P2RY12: variants seen among roughly 807,000 people sequenced by gnomAD.
P2RY12 encodes purinergic receptor P2Y12.
A neutral mutation model predicts 4.5 loss-of-function variants in P2RY12; 3 were observed. That is an observed-to-expected ratio of 0.67 (90% CI 0.31 to 1.74). The LOEUF is 1.74. Ranked by LOEUF, P2RY12 falls within the 40% of genes most tolerant of loss-of-function variation. P2RY12 has a pLI of 0.09. For missense variants in P2RY12, 356 were observed against 407.8 expected (o/e 0.87, Z 1.09); for synonymous variants, 148 against 154.1 (o/e 0.96, Z 0.29).
intron 1 of P2RY12, among the ~76,000 whole-genome samples, chr3:151,377,465 G>A (rs554288867): frequency 6.6e-6 from 1 of 152,228 alleles, no homozygotes; most frequent in South Asian, 2.1e-4. Context: ...CATTATATGG[G>A]AAACGCTTTT....
At chr3:151,376,256 C>A (rs1262063204) in intron 1 of P2RY12, 1 of 1,330,866 alleles carries the variant, frequency 7.5e-7, no homozygotes, top group Non-Finnish European at 9.8e-7. Flanking sequence ...TTGATAAATT[C>A]TTCGTAATAA....
At chr3:151,350,103 C>T in intron 1 of P2RY12, 3 of 1,613,456 alleles carry the variant, frequency 1.9e-6, no homozygotes, top group Non-Finnish European at 2.5e-6. Flanking sequence ...CAATCCTTCT[C>T]TATGGAGTCG....
At position 151,360,787 on chromosome 3, in the gene P2RY12, G is replaced by A. The variant is rs536789488; in HGVS notation, c.-179-20027C>T. The stretch of plus-strand genomic sequence containing the variant: ...ATTAAAATAGACAGGGACAATACAC[G>A]ATAGTCTATTACACAATGTAAATGT... On this transcript the variant is annotated intron_variant, in intron 1 of 2. Transcript: ENST00000302632. Among the ~76,000 whole-genome samples the A allele has an allele frequency of 3.6e-4, 55 of 152,162 alleles. No individual in the cohort carries two copies. In the South Asian group the frequency reaches 5.0e-3, roughly 14 times the overall value.
At chr3:151,375,725 A>C (rs560575712) in intron 1 of P2RY12, among the ~76,000 whole-genome samples, 4 of 152,204 alleles carry the variant, frequency 2.6e-5, no homozygotes, top group Non-Finnish European at 5.9e-5. Flanking sequence ...ACTGACACAA[A>C]ATAGTGCCTA....
intron 1 of P2RY12, among the ~76,000 whole-genome samples, chr3:151,349,274 C>G (rs1369096457): frequency 6.6e-6 from 1 of 152,132 alleles, no homozygotes; most frequent in Non-Finnish European, 1.5e-5. Context: ...TGCTTGGATT[C>G]ACTGTGCCTA....
In P2RY12 at chr3:151,359,015, T is replaced by A. The variant is rs189473145; in HGVS notation, c.-179-18255A>T. ...TGCTTGGTGCTGAGGTTTCAGGTTA[T>A]GATTGAAACCATCAGGAAGTGAGCA... On this transcript the variant is annotated intron_variant, in intron 1 of 2. Coordinates refer to ENST00000302632, the MANE Select transcript of P2RY12 (RefSeq NM_022788.5). Among the ~76,000 whole-genome samples, 9 of 152,306 alleles carry A rather than the reference T, an allele frequency of 5.9e-5. No homozygotes were observed. In the East Asian group the frequency reaches 1.7e-3, roughly 29 times the overall value.
intron 1 of P2RY12, among the ~76,000 whole-genome samples, chr3:151,344,041 A>G (rs115786501): frequency 2.6e-3 from 391 of 152,274 alleles, no homozygotes; most frequent in African/African-American, 8.8e-3. Context: ...AATTTAGGTT[A>G]GATACCAACA....
At chr3:151,371,892 G>A (rs1427976665) in intron 1 of P2RY12, among the ~76,000 whole-genome samples, 2 of 152,088 alleles carry the variant, frequency 1.3e-5, no homozygotes, top group Admixed American at 6.6e-5. Context: ...CCAGAACTTT[G>A]TTATGAAGAA....
At chr3:151,340,414 TTAAC>T (rs1425483845) in intron 2 of P2RY12, among the ~76,000 whole-genome samples, 178 bp downstream of exon 2, 1 of 152,186 alleles carries the variant, frequency 6.6e-6, no homozygotes, top group Non-Finnish European at 1.5e-5. Flanking sequence ...AAGAGGCTAA[TTAAC>T]AATTGTCTCT....
At chr3:151,384,036 G>A (rs1363788392) in intron 1 of P2RY12, 12 of 1,575,310 alleles carry the variant, frequency 7.6e-6, no homozygotes, top group Admixed American at 5.3e-5. Flanking sequence ...TTAAATAAGT[G>A]TATTTCAGTT....
Position 151,338,696 on chromosome 3 carries a change from G to T in P2RY12, c.150C>A (p.Phe50Leu). 6.2e-7 allele frequency: 1 copy of T among 1,613,540 alleles called. No individual in the cohort carries two copies. Residue 50 changes from phenylalanine to leucine, a missense_variant, in exon 3 of 3, where the codon TTC becomes TTA. Phe to Leu is a conservative substitution (Grantham distance 22). Transcript: ENST00000302632. ...LITNGLAMRIFFQIRSKSNFI... is the reference protein window; with the variant it reads ...LITNGLAMRILFQIRSKSNFI... Reference sequence around the variant, plus strand: ...AGTTTGATTTACTCCGGATTTGAAAGAAAATCCTCATCGCCAGGCCATTTG... The same window carrying T: ...AGTTTGATTTACTCCGGATTTGAAATAAAATCCTCATCGCCAGGCCATTTG...
intron 1 of P2RY12, among the ~76,000 whole-genome samples, chr3:151,368,831 G>A (rs1238934365): frequency 2.1e-5 from 3 of 143,426 alleles, no homozygotes; most frequent in Non-Finnish European, 4.5e-5. Context: ...GTGTGATCTC[G>A]GCTCACTGCA....
At chr3:151,352,256 C>T (rs1753324901) in intron 1 of P2RY12, among the ~76,000 whole-genome samples, 1 of 152,122 alleles carries the variant, frequency 6.6e-6, no homozygotes, top group African/African-American at 2.4e-5. Flanking sequence ...GACATTATGT[C>T]TGCACTCAAA....
In P2RY12 at chr3:151,340,724, G is replaced by T. The variant is rs1209089741; in HGVS notation, c.-143C>A. ...GTTGCCAAACCTCTTTGTGATAGAG[G>T]ATTTCCTGAGTTTTCGTCAGTAAAG... is the stretch of plus-strand genomic sequence containing the variant. On this transcript the variant is annotated 5_prime_UTR_variant, in exon 2 of 3. Transcript: ENST00000302632. 1 of 152,556 alleles carries T rather than the reference G, an allele frequency of 6.6e-6. No individual in the cohort carries two copies. The highest frequency in any genetic ancestry group is 2.4e-5 in the African/African-American group (1 of 41,428). The allele number at this position is 152,556 out of a possible 1,614,324, so 9.5% of individuals were successfully genotyped here. A position where few individuals can be genotyped will look rare whatever the true frequency, so the allele number is the denominator to read the frequency against.
chr3:151,338,551 C>T lies in P2RY12; in HGVS notation c.295G>A (p.Val99Ile), dbSNP rs1249952427. 6.2e-7 allele frequency: 1 copy of T among 1,613,810 alleles called. No individual in the cohort carries two copies. The highest frequency in any genetic ancestry group is 8.5e-7 in the Non-Finnish European group (1 of 1,179,974). Residue 99 changes from valine to isoleucine, a missense_variant, in exon 3 of 3, where the codon GTT (valine) becomes ATT (isoleucine). Coordinates refer to ENST00000302632, the MANE Select transcript of P2RY12 (RefSeq NM_022788.5). ...TGPLRTFVCQVTSVIFYFTMY... is the reference protein window; with the variant it reads ...TGPLRTFVCQITSVIFYFTMY... ...GTGAAATAAAATATGACGGAGGTAA[C>T]TTGACACACAAAAGTTCTCAGTGGT...
chr3:151,382,879 C>G (rs895773604), intron 1 of P2RY12: 2 of 642,278 alleles, frequency 3.1e-6, no homozygotes, highest in East Asian at 6.0e-5. Context: ...TCTGTAATTA[C>G]TTCCCTGTTT....
chr3:151,357,233 T>C, intron 1 of P2RY12: 2 of 1,609,936 alleles, frequency 1.2e-6, no homozygotes, highest in Non-Finnish European at 1.7e-6. Context: ...AACTGAGTGT[T>C]GTGGAAGCTG....
intron 1 of P2RY12, among the ~76,000 whole-genome samples, chr3:151,355,626 G>GTCTAAAAAT (rs764133443): frequency 1.1e-4 from 16 of 152,136 alleles, no homozygotes; most frequent in African/African-American, 3.6e-4. Flanking sequence ...AAATGGTTGT[G>GTCTAAAAAT]TCTAAAAATT....
chr3:151,374,945 T>C (rs2108049095), intron 1 of P2RY12, among the ~76,000 whole-genome samples: 1 of 152,322 alleles, frequency 6.6e-6, no homozygotes, highest in African/African-American at 2.4e-5. Flanking sequence ...AAAAAAAAAG[T>C]GACATACCTT....
Sources: gnomAD v4.1 joint callset for allele counts (sites outside exome capture counted in the v4.1 genomes callset) on GRCh38, gnomAD v4.1.1 for gene constraint, MANE v1.5 for transcripts, NCBI Gene and HGNC (gene_info 2026-07-23, HGNC 2026-07-21) for gene names.